Variants in CSMD1 observed in about 807,000 individuals in gnomAD.
CSMD1 encodes CUB and sushi domain-containing protein 1.
A neutral mutation model predicts 417.5 loss-of-function variants in CSMD1; 213 were observed. The ratio of observed to expected loss-of-function variants is 0.51; its 90% CI spans 0.46 to 0.57. The LOEUF is 0.57. CSMD1 is among the 20% of genes least tolerant of loss of function. The pLI is 0.00. For synonymous variants in CSMD1, 2,862 were observed against 1,736.8 expected, an observed-to-expected ratio of 1.65 and a Z score of -16.11; for missense variants, 6,923 against 4,529.7, an observed-to-expected ratio of 1.53 and a Z score of -15.17.
intron 5 of CSMD1, among the ~76,000 whole-genome samples, chr8:3,928,496 C>G (rs1809908178): frequency 7.4e-6 from 1 of 135,754 alleles, no homozygotes; most frequent in African/African-American, 2.8e-5. Context: ...TTAAGTGGAA[C>G]AGGGGGCACT....
intron 6 of CSMD1, among the ~76,000 whole-genome samples, chr8:3,728,034 C>T (rs929430399): frequency 1.3e-5 from 2 of 152,046 alleles, no homozygotes; most frequent in African/African-American, 4.8e-5. Flanking sequence ...TATTCAATGC[C>T]CCTGAATTGT....
At chr8:3,315,922 T>C (rs1310156372) in intron 23 of CSMD1, among the ~76,000 whole-genome samples, 1 of 152,214 alleles carries the variant, frequency 6.6e-6, no homozygotes, top group Non-Finnish European at 1.5e-5. Context: ...TTAATGCTGG[T>C]TGTACTTTGA....
intron 8 of CSMD1, among the ~76,000 whole-genome samples, chr8:3,613,710 C>CACAG (rs1303315650): frequency 9.3e-6 from 1 of 107,298 alleles, no homozygotes. Context: ...AAAACACACA[C>CACAG]ACACACACAC....
intron 5 of CSMD1, among the ~76,000 whole-genome samples, chr8:3,957,706 G>GGAGAAGA (rs1176504822): frequency 8.8e-6 from 1 of 114,120 alleles, no homozygotes; most frequent in Non-Finnish European, 1.9e-5. Context: ...GAAGAGAAGA[G>GGAGAAGA]GAAAAGAGAA....
At chr8:4,299,240 A>T (rs550754057) in intron 3 of CSMD1, among the ~76,000 whole-genome samples, 1 of 152,302 alleles carries the variant, frequency 6.6e-6, no homozygotes, top group East Asian at 1.9e-4. Context: ...AAAATAAGAC[A>T]CTGTAAATAT....
At chr8:4,641,560 C>T (rs190775068) in intron 1 of CSMD1, among the ~76,000 whole-genome samples, 1 of 152,174 alleles carries the variant, frequency 6.6e-6, no homozygotes, top group Admixed American at 6.5e-5. Context: ...GATGGAAGAA[C>T]AAGTGAAAAT....
chr8:4,162,347 T>C (rs1166965169), intron 3 of CSMD1, among the ~76,000 whole-genome samples: 3 of 152,124 alleles, frequency 2.0e-5, no homozygotes, highest in Non-Finnish European at 4.4e-5. Flanking sequence ...AAAGTGCTTG[T>C]TTTTAGGTAA....
At chr8:4,776,233 T>A (rs1796845725) in intron 1 of CSMD1, among the ~76,000 whole-genome samples, 1 of 152,114 alleles carries the variant, frequency 6.6e-6, no homozygotes, top group African/African-American at 2.4e-5. Context: ...AAGGCCTAAA[T>A]ATAGAGAAAC....
intron 1 of CSMD1, among the ~76,000 whole-genome samples, chr8:4,864,672 C>A (rs1050866647): frequency 6.6e-5 from 10 of 151,634 alleles, no homozygotes; most frequent in African/African-American, 1.7e-4. Flanking sequence ...AATAGTTCTA[C>A]TAACCTGGTT....
At chr8:4,572,811 C>G (rs1798950691) in intron 2 of CSMD1, among the ~76,000 whole-genome samples, 1 of 152,070 alleles carries the variant, frequency 6.6e-6, no homozygotes. Flanking sequence ...AAGCTCTATT[C>G]TTTCCTTTCA....
chr8:4,148,160 G>T (rs965763205), intron 3 of CSMD1, among the ~76,000 whole-genome samples: 2 of 152,236 alleles, frequency 1.3e-5, no homozygotes, highest in South Asian at 4.1e-4. Context: ...GTCAATAACA[G>T]CTCCTGCCTA....
intron 3 of CSMD1, among the ~76,000 whole-genome samples, chr8:4,365,177 T>C (rs1452715787): frequency 6.6e-6 from 1 of 152,206 alleles, no homozygotes; most frequent in East Asian, 1.9e-4. Flanking sequence ...TTGGTAGTTT[T>C]GCTCACAATA....
intron 47 of CSMD1, among the ~76,000 whole-genome samples, chr8:3,094,736 T>C (rs1815177907): frequency 7.5e-6 from 1 of 133,048 alleles, no homozygotes; most frequent in South Asian, 2.3e-4. Flanking sequence ...GATAATAAAG[T>C]ATAAAATCAA....
Position 3,000,125 on chromosome 8 carries a change from T to C in CSMD1, c.8036A>G (p.His2679Arg). 1 of 1,541,648 alleles carries C rather than the reference T, an allele frequency of 6.5e-7. No individual in the cohort carries two copies. The highest frequency in any genetic ancestry group is 8.8e-7 in the Non-Finnish European group (1 of 1,141,282). Reference sequence around the variant, plus strand: ...CACAATCGGGTCTGGGGAACCGCAGTGGCCAGCTAAAAATGTTAAACCAAT... The same window carrying C: ...CACAATCGGGTCTGGGGAACCGCAGCGGCCAGCTAAAAATGTTAAACCAAT... ...SGSETRCLAG[H>R]CGSPDPIVNG... Residue 2679 changes from histidine to arginine, a missense_variant, in exon 53 of 70, where the codon CAC (histidine) becomes CGC (arginine). By Grantham distance (29) the His-to-Arg change is conservative. Coordinates refer to ENST00000635120, the MANE Select transcript of CSMD1 (RefSeq NM_033225.6).
At chr8:4,155,023 A>C (rs1796758460) in intron 3 of CSMD1, among the ~76,000 whole-genome samples, 1 of 152,190 alleles carries the variant, frequency 6.6e-6, no homozygotes, top group South Asian at 2.1e-4. Flanking sequence ...GATAAACCTC[A>C]TCACAGAACC....
At chr8:4,666,396 G>A (rs1371456855) in intron 1 of CSMD1, among the ~76,000 whole-genome samples, 1 of 152,100 alleles carries the variant, frequency 6.6e-6, no homozygotes, top group African/African-American at 2.4e-5. Flanking sequence ...ACATGATAAG[G>A]ACTCAATCAG....
intron 1 of CSMD1, among the ~76,000 whole-genome samples, chr8:4,937,652 G>A (rs1374285735): frequency 2.0e-5 from 3 of 152,186 alleles, no homozygotes; most frequent in South Asian, 2.1e-4. Flanking sequence ...AAAAGCACAT[G>A]AATTATTTCA....
chr8:4,387,021 A>C (rs1361760779), intron 3 of CSMD1, among the ~76,000 whole-genome samples: 2 of 152,152 alleles, frequency 1.3e-5, no homozygotes, highest in Non-Finnish European at 2.9e-5. Flanking sequence ...AAAGGGACTG[A>C]GTTTGAGATA....
At chr8:3,099,253 C>G (rs1005224315) in intron 46 of CSMD1, among the ~76,000 whole-genome samples, 1 of 152,114 alleles carries the variant, frequency 6.6e-6, no homozygotes, top group Admixed American at 6.5e-5. Flanking sequence ...TAAACTTTAC[C>G]TACACCCTCC....
Sources: allele counts gnomAD v4.1 joint callset (sites outside exome capture counted in the v4.1 genomes callset), GRCh38; gene constraint gnomAD v4.1.1; transcripts MANE v1.5; gene names NCBI Gene and HGNC (gene_info 2026-07-23, HGNC 2026-07-21).